SKP1: variants seen among roughly 807,000 people sequenced by gnomAD.
The protein encoded by SKP1 is S-phase kinase-associated protein 1.
SKP1 carries 1 observed loss-of-function variant against 21.5 expected under a neutral mutation model. The observed-to-expected ratio is 0.05, with a 90% CI of 0.02 to 0.22. The LOEUF (loss-of-function observed/expected upper bound fraction) is 0.22, where lower values mean the gene tolerates loss of function less well. Ranked by LOEUF, SKP1 falls within the 10% of genes least tolerant of loss-of-function variation. SKP1 has a pLI of 1.00. For synonymous variants in SKP1, 59 were observed against 59.3 expected, an observed-to-expected ratio of 0.99 and a Z score of 0.03; for missense variants, 70 against 192.0, an observed-to-expected ratio of 0.36 and a Z score of 3.76.
chr5:134,169,603 G>A (rs546703552), intron 2 of SKP1, among the ~76,000 whole-genome samples: 3 of 152,318 alleles, frequency 2.0e-5, no homozygotes, highest in South Asian at 2.1e-4. Context: ...AGTGGCTCAC[G>A]CATGTAATCC....
chr5:134,174,090 A>T, intron 1 of SKP1, 68 bp from the exon 2 acceptor site: 1 of 950,886 alleles, frequency 1.1e-6, no homozygotes, highest in East Asian at 2.5e-5. Flanking sequence ...CATCAACTAC[A>T]GTCCATCAGA....
chr5:134,167,184 C>T lies in SKP1; in HGVS notation c.157G>A (p.Ala53Thr). ...AAAGACCTTACCTTTTTTAATATTG[C>T]TGCATTCACATTTGGTAGAGGAACT... ...DPVPLPNVNA[A>T]ILKKVIQWCT... Residue 53 changes from alanine (A) to threonine (T), a missense_variant, in exon 3 of 6, where the codon GCA (alanine) becomes ACA (threonine). Ala to Thr is a moderately conservative substitution (Grantham distance 58). Around this residue, in one of 4 missense-constraint regions of SKP1, gnomAD observed 33 missense variants for 64.9 expected, o/e 0.51. Transcript: ENST00000353411. 2 of 1,591,794 alleles carry T rather than the reference C, an allele frequency of 1.3e-6. No individual in the cohort carries two copies. Among genetic ancestry groups the T allele is most frequent in the Non-Finnish European group, 1.7e-6 (2 of 1,160,236 alleles).
At chr5:134,175,792 A>G (rs772809119) in intron 1 of SKP1, among the ~76,000 whole-genome samples, 3 of 152,222 alleles carry the variant, frequency 2.0e-5, no homozygotes, top group Non-Finnish European at 4.4e-5. Flanking sequence ...TAAAGTGCAA[A>G]ATTTTTAAGT....
intron 3 of SKP1, among the ~76,000 whole-genome samples, chr5:134,165,026 A>T (rs1456747334): frequency 7.1e-6 from 1 of 141,172 alleles, no homozygotes; most frequent in East Asian, 2.1e-4. Context: ...TACCTAGCGT[A>T]ATTTTTTTTT....
Position 134,150,475 on chromosome 5 carries a change from A to G in SKP1, c.*7258T>C, listed in dbSNP as rs1761028185. 1 of 152,250 alleles carries G rather than the reference A, an allele frequency of 6.6e-6. No individual in the cohort carries two copies. Among genetic ancestry groups the G allele is most frequent in the Non-Finnish European group, 1.5e-5 (1 of 68,040 alleles). The allele number at this position is 152,250 out of a possible 1,614,324, so 9.4% of individuals were successfully genotyped here. On this transcript the variant is annotated 3_prime_UTR_variant, in exon 6 of 6. Transcript: ENST00000353411. ...AAAACAGCACAGAACAGAAGGGGTA[A>G]GGGTAACAAGGCCATGTTAAACTAC... is the stretch of plus-strand genomic sequence containing the variant.
Position 134,151,830 on chromosome 5 carries a change from G to T in SKP1, c.*5903C>A. 1 of 355,510 alleles carries T rather than the reference G, an allele frequency of 2.8e-6. No individual in the cohort carries two copies. Among genetic ancestry groups the T allele is most frequent in the South Asian group, 2.0e-5 (1 of 49,260 alleles). The allele number at this position is 355,510 out of a possible 1,614,324, so 22.0% of individuals were successfully genotyped here. On this transcript the variant is annotated 3_prime_UTR_variant, in exon 6 of 6. Transcript: ENST00000353411. ...CAACAAGTACATTATCAATGAATTA[G>T]CCATCTATCACTCAAACTATGTCCC...
In SKP1 at chr5:134,166,477, A is replaced by T. The variant is rs931294746; in HGVS notation, c.171+693T>A. Among the ~76,000 whole-genome samples the T allele has an allele frequency of 2.8e-5, 4 of 144,582 alleles. No homozygotes were observed. The Admixed American group carries it at 2.9e-4, about 10-fold the overall frequency. 94.9% of individuals were successfully genotyped at this position (144,582 alleles called of 152,430 possible). Reference sequence around the variant, plus strand: ...GTGCCTGTAGTCCCAGCTACTCAGGAGGCTGAGGCAGGAGAATCACCTGAA... The same window carrying T: ...GTGCCTGTAGTCCCAGCTACTCAGGTGGCTGAGGCAGGAGAATCACCTGAA... On this transcript the variant is annotated intron_variant, in intron 3 of 5. Coordinates refer to ENST00000353411, the MANE Select transcript of SKP1 (RefSeq NM_170679.3).
At chr5:134,161,768 C>G (rs1385970534) in intron 3 of SKP1, 2 of 152,134 alleles carry the variant, frequency 1.3e-5, no homozygotes, top group Non-Finnish European at 2.9e-5. Context: ...ATGTGTGAGA[C>G]TATTTGGTGT....
chr5:134,162,078 A>C (rs570550006), intron 3 of SKP1, among the ~76,000 whole-genome samples: 52 of 152,174 alleles, frequency 3.4e-4, no homozygotes, highest in South Asian at 6.2e-4. Context: ...AAAAGAAAGA[A>C]CAATTTCAAT....
intron 2 of SKP1, chr5:134,173,673 T>C: frequency 1.8e-6 from 1 of 561,432 alleles, no homozygotes; most frequent in Non-Finnish European, 3.4e-6. Flanking sequence ...TGCCTAAGGC[T>C]TGGCAATCAC....
In SKP1 at chr5:134,152,704, G is replaced by C. The variant is rs1580922050; in HGVS notation, c.*5029C>G. The C allele has an allele frequency of 6.6e-6, 1 of 152,336 alleles. No homozygotes were observed. The highest frequency in any genetic ancestry group is 1.9e-4 in the East Asian group (1 of 5,192). The allele number at this position is 152,336 out of a possible 1,614,324, so 9.4% of individuals were successfully genotyped here. On this transcript the variant is annotated 3_prime_UTR_variant, in exon 6 of 6. Coordinates refer to ENST00000353411, the MANE Select transcript of SKP1 (RefSeq NM_170679.3). ...CTACAGGCATGTGCCACCACGCCCA[G>C]CTAATTTTTGTATTTTTAGTAGAGA...
chr5:134,166,359 G>A (rs1761330947), intron 3 of SKP1, among the ~76,000 whole-genome samples: 1 of 151,678 alleles, frequency 6.6e-6, no homozygotes, highest in African/African-American at 2.4e-5. Flanking sequence ...GAGGTGGGCA[G>A]ATCATGAGGT....
rs1761041966 is a variant in SKP1, at chr5:134,151,484, G to T, written c.*6249C>A. On this transcript the variant is annotated 3_prime_UTR_variant, in exon 6 of 6. Transcript: ENST00000353411. ...AGAGGTTGTGAAATGGTACATTCAGGAAAGAAAGGACAAATAAGAATTTTC... is the reference window on the plus strand; with the variant it reads ...AGAGGTTGTGAAATGGTACATTCAGTAAAGAAAGGACAAATAAGAATTTTC... 3.1e-6 allele frequency: 1 copy of T among 323,622 alleles called. No individual in the cohort carries two copies. The highest frequency in any genetic ancestry group is 6.2e-6 in the Non-Finnish European group (1 of 160,118). 20.0% of individuals were successfully genotyped at this position (323,622 alleles called of 1,614,324 possible). A position where few individuals can be genotyped will look rare whatever the true frequency, so the allele number is the denominator to read the frequency against.
At chr5:134,171,375 C>T (rs1028458937) in intron 2 of SKP1, among the ~76,000 whole-genome samples, 1 of 152,164 alleles carries the variant, frequency 6.6e-6, no homozygotes, top group Non-Finnish European at 1.5e-5. Flanking sequence ...TCATACTCTA[C>T]TAATTCTCTA....
intron 1 of SKP1, among the ~76,000 whole-genome samples, chr5:134,176,122 T>G (rs1407854067): frequency 6.6e-6 from 1 of 152,226 alleles, no homozygotes; most frequent in African/African-American, 2.4e-5. Context: ...GTAGACGTCC[T>G]ATTTCTTTAA....
intron 4 of SKP1, among the ~76,000 whole-genome samples, chr5:134,158,993 CTTTA>C (rs1001571497): frequency 2.2e-4 from 34 of 152,190 alleles, no homozygotes; most frequent in African/African-American, 7.0e-4. Flanking sequence ...GTTTCATTGA[CTTTA>C]TTGTTTACCT....
At chr5:134,158,920 T>TA (rs1761167839) in intron 4 of SKP1, among the ~76,000 whole-genome samples, 1 of 152,238 alleles carries the variant, frequency 6.6e-6, no homozygotes, top group Non-Finnish European at 1.5e-5. Flanking sequence ...TGTCCACACT[T>TA]AAAGAGTTCA....
intron 4 of SKP1, among the ~76,000 whole-genome samples, chr5:134,160,139 T>A (rs568650031): frequency 1.7e-3 from 261 of 151,876 alleles, no homozygotes; most frequent in African/African-American, 5.9e-3. Context: ...GTGGATCACC[T>A]GAGGTCAGGA....
chr5:134,171,027 G>C, intron 2 of SKP1: 1 of 456,114 alleles, frequency 2.2e-6, no homozygotes, highest in South Asian at 1.5e-5. Flanking sequence ...ATAGGTACTT[G>C]ATGAACAGTG....
Sources: allele counts gnomAD v4.1 joint callset (sites outside exome capture counted in the v4.1 genomes callset), GRCh38; gene constraint gnomAD v4.1.1; regional missense constraint gnomAD v4.1.1; transcripts MANE v1.5; gene names NCBI Gene and HGNC (gene_info 2026-07-23, HGNC 2026-07-21).